RTN1: variants seen among roughly 807,000 people sequenced by gnomAD.
RTN1 encodes reticulon-1.
In RTN1, 25 loss-of-function variants were observed where a neutral mutation model predicts 65.5. That is an observed-to-expected ratio of 0.38 (90% CI 0.28 to 0.53). The LOEUF is 0.53. RTN1 is among the 20% of genes least tolerant of loss of function. The pLI, the probability that RTN1 is intolerant of heterozygous loss-of-function variation, is 0.79. For synonymous variants in RTN1, 471 were observed against 447.6 expected (o/e 1.05, Z -0.66); for missense variants, 983 against 1,025.4 (o/e 0.96, Z 0.57).
intron 3 of RTN1, among the ~76,000 whole-genome samples, chr14:59,638,993 T>C (rs1310552673): frequency 6.6e-6 from 1 of 152,238 alleles, no homozygotes; most frequent in Non-Finnish European, 1.5e-5. Context: ...TTCTAGCGTT[T>C]GATTTAAAGT....
At chr14:59,707,729 A>C (rs573715089) in intron 3 of RTN1, among the ~76,000 whole-genome samples, 25 of 152,074 alleles carry the variant, frequency 1.6e-4, no homozygotes, top group African/African-American at 5.8e-4. Flanking sequence ...ACACACACAC[A>C]CACACACACA....
chr14:59,861,038 G>A (rs765944955), intron 1 of RTN1, among the ~76,000 whole-genome samples: 3 of 152,144 alleles, frequency 2.0e-5, no homozygotes, highest in South Asian at 2.1e-4. Context: ...ATACTGCAAC[G>A]AGTTAAGACT....
chr14:59,626,051 T>A (rs1278410865), intron 3 of RTN1, among the ~76,000 whole-genome samples: 1 of 152,214 alleles, frequency 6.6e-6, no homozygotes, highest in Non-Finnish European at 1.5e-5. Context: ...TTAATAATAA[T>A]GGGTCTAAAT....
intron 1 of RTN1, among the ~76,000 whole-genome samples, chr14:59,810,329 C>T (rs1886706141): frequency 6.6e-6 from 1 of 152,128 alleles, no homozygotes; most frequent in Non-Finnish European, 1.5e-5. Context: ...CACAAACTTG[C>T]TGTGTGTGCA....
intron 1 of RTN1, among the ~76,000 whole-genome samples, chr14:59,866,870 A>G (rs142581221): frequency 0.011 from 1,748 of 152,334 alleles, 13 homozygotes; most frequent in South Asian, 0.023. Flanking sequence ...CAGTTAATCT[A>G]GCCTCCAAAT....
intron 3 of RTN1, among the ~76,000 whole-genome samples, chr14:59,637,460 T>C (rs752889179): frequency 6.6e-6 from 1 of 152,212 alleles, no homozygotes; most frequent in Non-Finnish European, 1.5e-5. Flanking sequence ...ACGCCTGTAA[T>C]CCCAGCACTT....
intron 3 of RTN1, among the ~76,000 whole-genome samples, chr14:59,622,381 CA>C (rs1384217086): frequency 2.0e-5 from 3 of 152,116 alleles, no homozygotes; most frequent in Non-Finnish European, 2.9e-5. Flanking sequence ...GAAAATGTGA[CA>C]AGTTCCTGTT....
intron 3 of RTN1, chr14:59,630,535 T>C: frequency 6.2e-7 from 1 of 1,612,604 alleles, no homozygotes; most frequent in Non-Finnish European, 8.5e-7. Context: ...TCGCCGTGGC[T>C]CTCCTCGGGG....
At position 59,659,756 on chromosome 14, in the gene RTN1, G is replaced by C. The variant is rs140444273; in HGVS notation, c.1766-52264C>G. On this transcript the variant is annotated intron_variant, in intron 3 of 8. Coordinates refer to ENST00000267484, the MANE Select transcript of RTN1 (RefSeq NM_021136.3). ...CTGAAGGAAGCACTAAATGTGGAAA[G>C]GAAAAACCAGTACCAGCCACTGCAA... 5.3e-3 allele frequency among the ~76,000 whole-genome samples: 807 copies of C among 152,256 alleles called. 8 individuals are homozygous for C. The highest frequency in any genetic ancestry group is 0.017 in the African/African-American group (690 of 41,536).
intron 3 of RTN1, among the ~76,000 whole-genome samples, chr14:59,713,263 G>A (rs1884462339): frequency 6.6e-6 from 1 of 152,192 alleles, no homozygotes; most frequent in Non-Finnish European, 1.5e-5. Context: ...ATCTAGACAA[G>A]GGGCCACTGG....
At chr14:59,720,653 T>A (rs1170425888) in intron 3 of RTN1, among the ~76,000 whole-genome samples, 4 of 148,222 alleles carry the variant, frequency 2.7e-5, no homozygotes, top group African/African-American at 5.0e-5. Flanking sequence ...AACCTGGGAG[T>A]GGAGGTTTCG....
intron 1 of RTN1, among the ~76,000 whole-genome samples, chr14:59,772,310 AT>A (rs1283730286): frequency 2.0e-5 from 3 of 151,992 alleles, no homozygotes; most frequent in African/African-American, 4.8e-5. Context: ...TCTCCCATAG[AT>A]TTTTTTTCTA....
intron 3 of RTN1, chr14:59,647,116 C>A (rs1294400112): frequency 6.6e-6 from 1 of 152,172 alleles, no homozygotes. Context: ...GGAAAATCTA[C>A]CAAGCAAATG....
intron 1 of RTN1, among the ~76,000 whole-genome samples, chr14:59,850,022 C>A (rs78692111): frequency 0.012 from 1,847 of 152,244 alleles, 36 homozygotes; most frequent in African/African-American, 0.041. Context: ...CACCTCTTCC[C>A]AGCCCCATTG....
chr14:59,681,473 G>C (rs1247040289), intron 3 of RTN1, among the ~76,000 whole-genome samples: 2 of 152,002 alleles, frequency 1.3e-5, no homozygotes, highest in Non-Finnish European at 2.9e-5. Context: ...TCAATGATGA[G>C]TGTCATATCA....
chr14:59,634,142 C>T (rs948690770), intron 3 of RTN1, among the ~76,000 whole-genome samples: 7 of 152,056 alleles, frequency 4.6e-5, no homozygotes, highest in African/African-American at 1.4e-4. Flanking sequence ...TGAAAATTTG[C>T]TATTTTATAA....
At position 59,605,502 on chromosome 14, in the gene RTN1, A is replaced by G; in HGVS notation, c.1978T>C (p.Tyr660His). Residue 660 changes from tyrosine to histidine, a missense_variant, in exon 5 of 9, where the codon TAC becomes CAC. By Grantham distance (83) the Tyr-to-His change is moderately conservative (BLOSUM62 2). Around this residue, in one of 2 missense-constraint regions of RTN1, gnomAD observed 165 missense variants for 223.6 expected, o/e 0.74. Coordinates refer to ENST00000267484, the MANE Select transcript of RTN1 (RefSeq NM_021136.3). Reference sequence around the variant, plus strand: ...GAAAGGGTGATCTCAAGCTCCAAGTAGGCCCTGTCAACAAACCATTCCCAC... The same window carrying G: ...GAAAGGGTGATCTCAAGCTCCAAGTGGGCCCTGTCAACAAACCATTCCCAC... ...KTDEGHPFKA[Y>H]LELEITLSQE... is the part of the protein sequence containing the mutation. 3 of 1,613,684 alleles carry G rather than the reference A, an allele frequency of 1.9e-6. No homozygotes were observed. Among genetic ancestry groups the G allele is most frequent in the Non-Finnish European group, 1.7e-6 (2 of 1,179,900 alleles).
intron 2 of RTN1, among the ~76,000 whole-genome samples, chr14:59,738,315 TAAAC>T (rs1196629840): frequency 6.6e-6 from 1 of 151,742 alleles, no homozygotes; most frequent in Non-Finnish European, 1.5e-5. Context: ...AGAAAAAAAA[TAAAC>T]AACCTCATTA....
intron 3 of RTN1, among the ~76,000 whole-genome samples, chr14:59,690,387 A>T (rs1883936357): frequency 6.6e-6 from 1 of 152,140 alleles, no homozygotes; most frequent in Non-Finnish European, 1.5e-5. Flanking sequence ...ATTCAATTCA[A>T]CTAGAAGCTT....
Sources: gnomAD v4.1 joint callset for allele counts (sites outside exome capture counted in the v4.1 genomes callset) on GRCh38, gnomAD v4.1.1 for gene constraint, gnomAD v4.1.1 regional missense constraint, MANE v1.5 for transcripts, NCBI Gene and HGNC (gene_info 2026-07-23, HGNC 2026-07-21) for gene names.